The following SMYD3 variants were observed in gnomAD, a reference collection of about 807,000 sequenced individuals.
SMYD3 encodes histone-lysine N-methyltransferase SMYD3.
Under a neutral mutation model 57.7 loss-of-function variants are expected in SMYD3, and 36 were observed. The observed-to-expected ratio is 0.62, with a 90% CI of 0.48 to 0.82. The LOEUF (loss-of-function observed/expected upper bound fraction) is 0.82. SMYD3 is among the 40% of genes least tolerant of loss of function. SMYD3 has a pLI of 0.00. For missense variants in SMYD3, 515 were observed against 538.8 expected, an observed-to-expected ratio of 0.96 and a Z score of 0.44; for synonymous variants, 211 against 195.0, an observed-to-expected ratio of 1.08 and a Z score of -0.68.
intron 1 of SMYD3, among the ~76,000 whole-genome samples, chr1:246,356,074 T>A (rs1480276478): frequency 1.3e-5 from 2 of 151,940 alleles, no homozygotes; most frequent in Admixed American, 6.6e-5. Flanking sequence ...CAAGGGCCCT[T>A]GTAGAGTCCA....
chr1:246,308,995 C>T (rs1484672443), intron 5 of SMYD3, among the ~76,000 whole-genome samples: 2 of 151,950 alleles, frequency 1.3e-5, no homozygotes, highest in Admixed American at 6.6e-5. Context: ...ATGAAAATTA[C>T]TTATGTGCCT....
chr1:246,506,978 G>GCCCCCCCCACCCCCCCCCCCCCCCCCCC, intron 1 of SMYD3, 76 bp downstream of exon 1: 7 of 1,174,510 alleles, frequency 6.0e-6, no homozygotes, highest in East Asian at 3.5e-5. Flanking sequence ...CGCGGCTGCC[G>GCCCCCCCCACCCCCCCCCCCCCCCCCCC]GCCGCCCGAC....
intron 2 of SMYD3, among the ~76,000 whole-genome samples, chr1:246,347,332 C>CA (rs2065738731): frequency 6.6e-6 from 1 of 152,104 alleles, no homozygotes; most frequent in Non-Finnish European, 1.5e-5. Flanking sequence ...CCAGGAAACT[C>CA]AGAGAACACC....
chr1:245,829,282 T>C (rs960361995), intron 10 of SMYD3, among the ~76,000 whole-genome samples: 1 of 152,162 alleles, frequency 6.6e-6, no homozygotes, highest in African/African-American at 2.4e-5. Flanking sequence ...CAAGTATTTA[T>C]TGGGAGCCTA....
intron 5 of SMYD3, among the ~76,000 whole-genome samples, chr1:245,981,450 G>A (rs573893603): frequency 6.6e-6 from 1 of 152,286 alleles, no homozygotes; most frequent in South Asian, 2.1e-4. Context: ...TGACTAAGAA[G>A]AACCTTTCAG....
At chr1:246,470,088 A>C (rs1312887691) in intron 1 of SMYD3, among the ~76,000 whole-genome samples, 1 of 152,236 alleles carries the variant, frequency 6.6e-6, no homozygotes, top group Non-Finnish European at 1.5e-5. Flanking sequence ...TATTCTATAA[A>C]ATAACTGACT....
intron 5 of SMYD3, among the ~76,000 whole-genome samples, chr1:246,298,813 A>C (rs953089379): frequency 2.0e-5 from 3 of 152,132 alleles, no homozygotes; most frequent in Admixed American, 6.6e-5. Flanking sequence ...GAAAAAAAAG[A>C]GTCAAAGTCT....
At chr1:246,022,393 C>T (rs1457324114) in intron 5 of SMYD3, among the ~76,000 whole-genome samples, 2 of 152,058 alleles carry the variant, frequency 1.3e-5, no homozygotes, top group South Asian at 2.1e-4. Context: ...CAGTGCACAG[C>T]GAGGGGGTAA....
chr1:246,435,505 A>G (rs923626142), intron 1 of SMYD3, among the ~76,000 whole-genome samples: 2 of 151,990 alleles, frequency 1.3e-5, no homozygotes, highest in African/African-American at 4.8e-5. Flanking sequence ...CAGACTCTGA[A>G]GCTTCTTTGG....
At chr1:245,761,086 C>A (rs2045824453) in intron 11 of SMYD3, among the ~76,000 whole-genome samples, 1 of 152,138 alleles carries the variant, frequency 6.6e-6, no homozygotes, top group African/African-American at 2.4e-5. Flanking sequence ...ATGTTTGCTC[C>A]TTGGTTGATC....
intron 5 of SMYD3, among the ~76,000 whole-genome samples, chr1:246,125,350 G>A (rs373496360): frequency 3.9e-5 from 6 of 152,116 alleles, no homozygotes; most frequent in South Asian, 4.2e-4. Context: ...GCTCTTTATT[G>A]CCTGTTATGC....
intron 5 of SMYD3, among the ~76,000 whole-genome samples, chr1:246,235,074 A>G (rs562590447): frequency 3.3e-5 from 5 of 152,338 alleles, no homozygotes; most frequent in Admixed American, 6.5e-5. Context: ...TCCTAGTATC[A>G]AAACTAGGAG....
intron 10 of SMYD3, among the ~76,000 whole-genome samples, chr1:245,838,702 G>T (rs1263230194): frequency 6.6e-6 from 1 of 152,218 alleles, no homozygotes; most frequent in Admixed American, 6.5e-5. Flanking sequence ...GTGTCATGGT[G>T]AATCTAACTT....
At chr1:246,328,767 G>T (rs2065403325) in intron 4 of SMYD3, among the ~76,000 whole-genome samples, 1 of 151,650 alleles carries the variant, frequency 6.6e-6, no homozygotes. Flanking sequence ...GTATACATGT[G>T]CCATGCTGGT....
At chr1:246,029,166 G>A (rs1462541545) in intron 5 of SMYD3, among the ~76,000 whole-genome samples, 2 of 152,154 alleles carry the variant, frequency 1.3e-5, no homozygotes, top group African/African-American at 4.8e-5. Flanking sequence ...AATATTTTAT[G>A]GCTAAGACCT....
chr1:246,419,346 G>C (rs1012759402), intron 1 of SMYD3, among the ~76,000 whole-genome samples: 1 of 152,138 alleles, frequency 6.6e-6, no homozygotes, highest in Non-Finnish European at 1.5e-5. Context: ...TCTTCACATG[G>C]ACACGTGTGA....
At chr1:245,795,995 A>C (rs2148209200) in intron 10 of SMYD3, among the ~76,000 whole-genome samples, 1 of 152,304 alleles carries the variant, frequency 6.6e-6, no homozygotes, top group South Asian at 2.1e-4. Context: ...CTTCAGAGCA[A>C]AGTTGCAAAC....
At chr1:246,218,766 A>G (rs1572229496) in intron 5 of SMYD3, among the ~76,000 whole-genome samples, 1 of 152,230 alleles carries the variant, frequency 6.6e-6, no homozygotes, top group East Asian at 1.9e-4. Context: ...CAAAAAAGCA[A>G]TAATACTCAC....
At chr1:245,953,522 G>T (rs575558606) in intron 5 of SMYD3, among the ~76,000 whole-genome samples, 1 of 152,236 alleles carries the variant, frequency 6.6e-6, no homozygotes, top group African/African-American at 2.4e-5. Context: ...CTGGGTTCAA[G>T]CAATTCTCTG....
Sources: allele counts gnomAD v4.1 joint callset (sites outside exome capture counted in the v4.1 genomes callset), GRCh38; gene constraint gnomAD v4.1.1; transcripts MANE v1.5; gene names NCBI Gene and HGNC (gene_info 2026-07-23, HGNC 2026-07-21).